DLGAP4: variants seen among roughly 807,000 people sequenced by gnomAD.
The protein encoded by DLGAP4 is DLG associated protein 4, also known as disks large-associated protein 4.
DLGAP4 carries 18 observed loss-of-function variants against 86.9 expected under a neutral mutation model. That is an observed-to-expected ratio of 0.21 (90% CI 0.14 to 0.31). DLGAP4 has a LOEUF of 0.31. Ranked by LOEUF, DLGAP4 falls within the 10% of genes least tolerant of loss-of-function variation. The pLI is 1.00. For missense variants in DLGAP4, 1,085 were observed against 1,362.6 expected (o/e 0.80, Z 3.21); for synonymous variants, 548 against 574.3 (o/e 0.95, Z 0.65).
At chr20:36,389,624 T>A (rs908559776) in intron 2 of DLGAP4, among the ~76,000 whole-genome samples, 1 of 152,108 alleles carries the variant, frequency 6.6e-6, no homozygotes, top group African/African-American at 2.4e-5. Context: ...TCCTCTCTCT[T>A]TTTAAAAAAA....
chr20:36,326,085 A>AT (rs2065213349), intron 1 of DLGAP4, among the ~76,000 whole-genome samples: 2 of 151,974 alleles, frequency 1.3e-5, no homozygotes, highest in Non-Finnish European at 2.9e-5. Context: ...CATGGTCTAT[A>AT]TTTTTTCATC....
intron 10 of DLGAP4, among the ~76,000 whole-genome samples, chr20:36,501,800 C>G (rs1454867247): frequency 6.6e-6 from 1 of 152,206 alleles, no homozygotes; most frequent in East Asian, 1.9e-4. Flanking sequence ...TCACTGTCCT[C>G]TAGGCCAGTT....
chr20:36,446,962 G>T (rs749706016), intron 7 of DLGAP4, 25 bp downstream of exon 7: 107 of 1,578,706 alleles, frequency 6.8e-5, no homozygotes, highest in Non-Finnish European at 8.3e-5. Flanking sequence ...GAGGGAAGGG[G>T]TTTTTTTTCT....
At chr20:36,371,320 G>A (rs908557809) in intron 2 of DLGAP4, among the ~76,000 whole-genome samples, 1 of 152,222 alleles carries the variant, frequency 6.6e-6, no homozygotes, top group Non-Finnish European at 1.5e-5. Flanking sequence ...TCTAGTCCCT[G>A]CTAGTCCACA....
intron 2 of DLGAP4, among the ~76,000 whole-genome samples, chr20:36,373,356 A>C (rs1157854121): frequency 1.3e-5 from 2 of 152,224 alleles, no homozygotes; most frequent in African/African-American, 4.8e-5. Flanking sequence ...TGTACAGGTA[A>C]TAAGATTTCT....
Position 36,462,456 on chromosome 20 carries a change from C to G in DLGAP4, c.1648+15519C>G, listed in dbSNP as rs890355593. On this transcript the variant is annotated intron_variant, in intron 7 of 12. Transcript: ENST00000339266. ...TTCTTTGCCTGGGGCCCTTGGCCCC[C>G]CCTTGCTTTTTCAGCCCTAGCCCCC... 2.6e-5 allele frequency: 40 copies of G among 1,540,022 alleles called. No individual in the cohort carries two copies. In the South Asian group the frequency reaches 4.5e-4, roughly 17 times the overall value.
chr20:36,450,359 G>C (rs547676646), intron 7 of DLGAP4, among the ~76,000 whole-genome samples: 6 of 152,206 alleles, frequency 3.9e-5, no homozygotes, highest in Admixed American at 6.5e-5. Flanking sequence ...TTAGCCAGGC[G>C]TGGTGGTGCC....
chr20:36,488,072 C>A (rs147681012), intron 7 of DLGAP4, among the ~76,000 whole-genome samples: 1 of 151,216 alleles, frequency 6.6e-6, no homozygotes, highest in Non-Finnish European at 1.5e-5. Context: ...TGGTGGCGCG[C>A]GCCTATAATC....
chr20:36,504,233 C>T (rs1271715799), intron 10 of DLGAP4, among the ~76,000 whole-genome samples: 1 of 152,148 alleles, frequency 6.6e-6, no homozygotes, highest in Non-Finnish European at 1.5e-5. Flanking sequence ...ACCTATTAAA[C>T]AGTAATTCCC....
intron 7 of DLGAP4, among the ~76,000 whole-genome samples, chr20:36,496,083 G>A (rs1318424990): frequency 6.6e-6 from 1 of 152,106 alleles, no homozygotes; most frequent in Non-Finnish European, 1.5e-5. Flanking sequence ...TGTTGGTCAG[G>A]CTGGTCTCGA....
At chr20:36,513,194 T>C (rs2036822352) in intron 10 of DLGAP4, among the ~76,000 whole-genome samples, 1 of 151,656 alleles carries the variant, frequency 6.6e-6, no homozygotes, top group African/African-American at 2.4e-5. Context: ...ATTAAAGGCT[T>C]GGTTTTACTC....
At chr20:36,521,843 AT>A (rs1379113107) in intron 10 of DLGAP4, among the ~76,000 whole-genome samples, 2 of 152,224 alleles carry the variant, frequency 1.3e-5, no homozygotes, top group Non-Finnish European at 2.9e-5. Flanking sequence ...TCTGGTAAGT[AT>A]TCATGTGCCA....
intron 3 of DLGAP4, among the ~76,000 whole-genome samples, chr20:36,434,087 G>A (rs538486503): frequency 1.4e-4 from 21 of 151,794 alleles, no homozygotes; most frequent in African/African-American, 4.6e-4. Context: ...GGGATTATAG[G>A]TGCGAGCCAC....
intron 12 of DLGAP4, among the ~76,000 whole-genome samples, chr20:36,526,461 T>C (rs1352956566): frequency 1.3e-5 from 2 of 152,036 alleles, no homozygotes; most frequent in Non-Finnish European, 2.9e-5. Flanking sequence ...TAGAATAGCC[T>C]GTAAAATGGG....
chr20:36,400,821 G>C (rs576123970), intron 2 of DLGAP4, among the ~76,000 whole-genome samples: 3 of 152,074 alleles, frequency 2.0e-5, no homozygotes, highest in African/African-American at 7.2e-5. Context: ...AGTGAAGGAG[G>C]GGGTGGCTGT....
At chr20:36,389,602 T>A (rs955329444) in intron 2 of DLGAP4, among the ~76,000 whole-genome samples, 1 of 152,218 alleles carries the variant, frequency 6.6e-6, no homozygotes, top group Non-Finnish European at 1.5e-5. Context: ...TTGATTCATT[T>A]GTTCCTTTTC....
intron 10 of DLGAP4, chr20:36,510,955 C>G (rs982712781): frequency 1.3e-5 from 2 of 152,304 alleles, no homozygotes. Context: ...AAAAACTATT[C>G]TTGTATCTTC....
At chr20:36,460,726 G>A (rs756430764) in intron 7 of DLGAP4, among the ~76,000 whole-genome samples, 3 of 152,212 alleles carry the variant, frequency 2.0e-5, no homozygotes, top group Non-Finnish European at 4.4e-5. Context: ...CCAGGAACTG[G>A]GAAGGCGAGG....
chr20:36,485,479 G>T (rs1198806637), intron 7 of DLGAP4, among the ~76,000 whole-genome samples: 1 of 152,182 alleles, frequency 6.6e-6, no homozygotes, highest in Non-Finnish European at 1.5e-5. Context: ...AGCCAGAAAG[G>T]GTTGATGCCC....
Sources: allele counts gnomAD v4.1 joint callset (sites outside exome capture counted in the v4.1 genomes callset), GRCh38; gene constraint gnomAD v4.1.1; transcripts MANE v1.5; gene names NCBI Gene and HGNC (gene_info 2026-07-23, HGNC 2026-07-21).